Variants in FGGY observed in about 807,000 individuals in gnomAD.
FGGY encodes FGGY carbohydrate kinase domain-containing protein.
Under a neutral mutation model 71.3 loss-of-function variants are expected in FGGY, and 72 were observed. That is an observed-to-expected ratio of 1.01 (90% CI 0.84 to 1.23). The LOEUF (loss-of-function observed/expected upper bound fraction) is 1.23. FGGY is among the 50% of genes most tolerant of loss of function. The pLI is 0.00. For missense variants in FGGY, 668 were observed against 682.3 expected, an observed-to-expected ratio of 0.98 and a Z score of 0.23; for synonymous variants, 251 against 250.3, an observed-to-expected ratio of 1.00 and a Z score of -0.02.
chr1:59,413,461 C>T, intron 5 of FGGY, among the ~76,000 whole-genome samples: 1 of 152,192 alleles, frequency 6.6e-6, no homozygotes, highest in Non-Finnish European at 1.5e-5. Context: ...GTGACCTGAC[C>T]TTAAGGCGTT....
intron 6 of FGGY, among the ~76,000 whole-genome samples, chr1:59,504,564 C>T (rs1217002211): frequency 6.6e-6 from 1 of 152,194 alleles, no homozygotes; most frequent in African/African-American, 2.4e-5. Flanking sequence ...AACTCCTACA[C>T]ATTTAGTAAC....
chr1:59,587,688 G>T (rs1411193144), intron 8 of FGGY, among the ~76,000 whole-genome samples: 2 of 152,220 alleles, frequency 1.3e-5, no homozygotes, highest in African/African-American at 2.4e-5. Context: ...GGCAAACAGG[G>T]TCTGGAGTGG....
chr1:59,455,690 A>C (rs1290950720), intron 5 of FGGY, among the ~76,000 whole-genome samples: 1 of 152,240 alleles, frequency 6.6e-6, no homozygotes, highest in Non-Finnish European at 1.5e-5. Context: ...ATGAAGAAGC[A>C]GTTACTTACC....
chr1:59,630,342 T>A (rs2096897319), intron 10 of FGGY, among the ~76,000 whole-genome samples: 1 of 152,054 alleles, frequency 6.6e-6, no homozygotes, highest in African/African-American at 2.4e-5. Flanking sequence ...AGTTTGGTGG[T>A]GGTTGCTATG....
intron 5 of FGGY, among the ~76,000 whole-genome samples, chr1:59,392,659 G>C (rs921815204): frequency 3.3e-5 from 5 of 152,134 alleles, no homozygotes; most frequent in African/African-American, 1.2e-4. Flanking sequence ...ATGTTAAAAT[G>C]CTGTACCCTT....
At chr1:59,554,856 A>G (rs896991471) in intron 8 of FGGY, among the ~76,000 whole-genome samples, 4 of 152,168 alleles carry the variant, frequency 2.6e-5, no homozygotes, top group Non-Finnish European at 2.9e-5. Flanking sequence ...CATTTCTACC[A>G]TATTTTTATT....
chr1:59,582,668 A>G (rs7548526), intron 8 of FGGY, among the ~76,000 whole-genome samples: 23,884 of 149,632 alleles, frequency 0.16, 3,452 homozygotes, highest in South Asian at 0.32. Context: ...ATCTATGTGC[A>G]TCCATGGTAC....
rs149124011 is a variant in FGGY at position 59,404,186 on chromosome 1, AAC to A, written c.554+25356_554+25357del. Reference sequence around the variant, plus strand: ...AAAAATATACCTTTGGGAGGGGAACAACACACACTGGAGCCTGTCGGGGGGCG... The same window carrying A: ...AAAAATATACCTTTGGGAGGGGAACAACACACTGGAGCCTGTCGGGGGGCG... On this transcript the variant is annotated intron_variant, in intron 5 of 15. Coordinates refer to ENST00000303721, the MANE Select transcript of FGGY (RefSeq NM_018291.5). Among the ~76,000 whole-genome samples the A allele has an allele frequency of 6.0e-3, 912 of 152,140 alleles. 2 individuals carry two copies. The highest frequency in any genetic ancestry group is 9.4e-3 in the Non-Finnish European group (641 of 68,012).
Position 59,651,415 on chromosome 1 carries a change from G to T in FGGY, c.1222-8804G>T, listed in dbSNP as rs1474583862. Among the ~76,000 whole-genome samples, 446 of 148,592 alleles carry T rather than the reference G, an allele frequency of 3.0e-3. 3 individuals carry two copies. Among genetic ancestry groups the T allele is most frequent in the African/African-American group, 0.011 (424 of 39,378 alleles). ...TCTCTTTGTAGGTCACTCAGGACTTGCTTTATGAATCTGGGTGCTCCTGTA... is the reference window on the plus strand; with the variant it reads ...TCTCTTTGTAGGTCACTCAGGACTTTCTTTATGAATCTGGGTGCTCCTGTA... On this transcript the variant is annotated intron_variant, in intron 11 of 15. Transcript: ENST00000303721.
intron 5 of FGGY, among the ~76,000 whole-genome samples, chr1:59,399,709 G>A (rs1244199375): frequency 6.6e-6 from 1 of 151,846 alleles, no homozygotes; most frequent in Non-Finnish European, 1.5e-5. Flanking sequence ...TTTTTTCTTT[G>A]TGTTCCTTAT....
At chr1:59,677,587 C>T (rs867723410) in intron 14 of FGGY, among the ~76,000 whole-genome samples, 6 of 152,078 alleles carry the variant, frequency 3.9e-5, no homozygotes, top group Admixed American at 6.5e-5. Context: ...GATTTTCAGC[C>T]GGGGGTAGAG....
chr1:59,611,776 A>G (rs1452872143), intron 9 of FGGY, among the ~76,000 whole-genome samples: 1 of 152,224 alleles, frequency 6.6e-6, no homozygotes, highest in Non-Finnish European at 1.5e-5. Context: ...ATGTCTAACT[A>G]GAATAACCAC....
intron 6 of FGGY, among the ~76,000 whole-genome samples, chr1:59,470,875 C>CCTCAG (rs2092906778): frequency 6.6e-6 from 1 of 152,198 alleles, no homozygotes; most frequent in South Asian, 2.1e-4. Context: ...CCATATAATT[C>CCTCAG]AGTTATTTCT....
At chr1:59,699,855 C>T (rs146920016) in intron 14 of FGGY, among the ~76,000 whole-genome samples, 4 of 152,226 alleles carry the variant, frequency 2.6e-5, no homozygotes, top group South Asian at 2.1e-4. Flanking sequence ...TTGTTCTGTG[C>T]GAATGTCTCG....
In FGGY at chr1:59,537,381, G is replaced by A. The variant is rs1424394460; in HGVS notation, c.800-16743G>A. On this transcript the variant is annotated intron_variant, in intron 7 of 15. Transcript: ENST00000303721. Reference sequence around the variant, plus strand: ...ACAAATGGAAGAACATTCCATGCTCGTGGATAGGAAGAATCAATATCATGA... The same window carrying A: ...ACAAATGGAAGAACATTCCATGCTCATGGATAGGAAGAATCAATATCATGA... Among the ~76,000 whole-genome samples, 7 of 152,136 alleles carry A rather than the reference G, an allele frequency of 4.6e-5. No homozygotes were observed. The South Asian group carries it at 6.2e-4, about 14-fold the overall frequency.
chr1:59,375,097 C>CA (rs11290884), intron 4 of FGGY, among the ~76,000 whole-genome samples: 1,684 of 137,992 alleles, frequency 0.012, 22 homozygotes, highest in African/African-American at 0.015. Flanking sequence ...TAGTTTTCAT[C>CA]AAAAAAAAAA....
chr1:59,692,467 A>G (rs1449196623), intron 14 of FGGY, among the ~76,000 whole-genome samples: 1 of 152,220 alleles, frequency 6.6e-6, no homozygotes, highest in African/African-American at 2.4e-5. Context: ...AGTGTCAGAG[A>G]TGAATTGAAC....
intron 8 of FGGY, among the ~76,000 whole-genome samples, chr1:59,562,537 T>C (rs2095808107): frequency 1.3e-5 from 2 of 152,196 alleles, no homozygotes; most frequent in South Asian, 2.1e-4. Flanking sequence ...AGGCCAGATA[T>C]CCCTGCCCAG....
At chr1:59,420,016 G>C (rs77682965) in intron 5 of FGGY, among the ~76,000 whole-genome samples, 1 of 152,282 alleles carries the variant, frequency 6.6e-6, no homozygotes, top group Non-Finnish European at 1.5e-5. Flanking sequence ...TGATTTGACA[G>C]TTTTCATTCT....
Sources: gnomAD v4.1 joint callset for allele counts (sites outside exome capture counted in the v4.1 genomes callset) on GRCh38, gnomAD v4.1.1 for gene constraint, MANE v1.5 for transcripts, NCBI Gene and HGNC (gene_info 2026-07-23, HGNC 2026-07-21) for gene names.